RBM39: variants seen among roughly 807,000 people sequenced by gnomAD.
The protein encoded by RBM39 is RNA-binding protein 39.
In RBM39, 12 loss-of-function variants were observed where a neutral mutation model predicts 79.6. The ratio of observed to expected loss-of-function variants is 0.15; its 90% CI spans 0.10 to 0.24. The LOEUF is 0.24. RBM39 is among the 10% of genes least tolerant of loss of function. The pLI is 1.00. For synonymous variants in RBM39, 185 were observed against 208.4 expected, an observed-to-expected ratio of 0.89 and a Z score of 0.97; for missense variants, 243 against 653.4, an observed-to-expected ratio of 0.37 and a Z score of 6.85.
chr20:35,719,000 G>C (rs529062012), intron 9 of RBM39, among the ~76,000 whole-genome samples: 1 of 151,632 alleles, frequency 6.6e-6, no homozygotes, highest in Non-Finnish European at 1.5e-5. Flanking sequence ...CCTTTAAAAA[G>C]GGCTTCTTAT....
chr20:35,736,713 T>C (rs2039959861), intron 3 of RBM39: 3 of 397,170 alleles, frequency 7.6e-6, no homozygotes, highest in Non-Finnish European at 1.5e-5. Flanking sequence ...TACAATGGCA[T>C]AATCTCAGCT....
rs1423718184 is a variant in RBM39, at chr20:35,722,457, G to GTTTTTTT, written c.688-581_688-580insAAAAAAA. 6.7e-3 allele frequency among the ~76,000 whole-genome samples: 883 copies of GTTTTTTT among 131,136 alleles called. 29 individuals are homozygous for GTTTTTTT. Among genetic ancestry groups the GTTTTTTT allele is most frequent in the African/African-American group, 0.016 (538 of 32,990 alleles). The allele number at this position is 131,136 out of a possible 152,430, so 86.0% of individuals were successfully genotyped here. A position where few individuals can be genotyped will look rare whatever the true frequency, so the allele number is the denominator to read the frequency against. On this transcript the variant is annotated intron_variant, in intron 8 of 16. Transcript: ENST00000253363. ...ATAAAAATAAAAAGTTTATTTAGAG[G>GTTTTTTT]CTTTTTTTTTTTTTTTTTTGAGACA...
At chr20:35,735,693 G>C (rs2039831365) in intron 3 of RBM39, among the ~76,000 whole-genome samples, 2 of 152,166 alleles carry the variant, frequency 1.3e-5, no homozygotes. Flanking sequence ...GAAACATAAA[G>C]TTCCTTCAGA....
intron 9 of RBM39, among the ~76,000 whole-genome samples, chr20:35,718,176 A>C (rs1003188705): frequency 2.0e-5 from 3 of 152,072 alleles, no homozygotes; most frequent in African/African-American, 7.2e-5. Flanking sequence ...CGAACTTTTA[A>C]TGTTAAGTAT....
intron 9 of RBM39, among the ~76,000 whole-genome samples, chr20:35,721,385 A>T (rs916416301): frequency 2.0e-5 from 3 of 152,190 alleles, no homozygotes; most frequent in Admixed American, 6.5e-5. Context: ...GTGAAGTGGC[A>T]TAATCATGGC....
chr20:35,707,858 T>C (rs1436406795), intron 13 of RBM39: 11 of 462,614 alleles, frequency 2.4e-5, no homozygotes, highest in African/African-American at 2.2e-4. Flanking sequence ...GTTTGAAGTT[T>C]AAAGAGCATT....
At chr20:35,734,305 G>A in intron 3 of RBM39, 1 of 1,071,904 alleles carries the variant, frequency 9.3e-7, no homozygotes, top group Non-Finnish European at 1.3e-6. Flanking sequence ...GTATATGCTA[G>A]GTAGCACATG....
chr20:35,728,111 A>C (rs2038963461), intron 6 of RBM39, among the ~76,000 whole-genome samples: 1 of 152,192 alleles, frequency 6.6e-6, no homozygotes, highest in South Asian at 2.1e-4. Context: ...TTAAGAGTAA[A>C]ATAATCCATG....
At chr20:35,721,578 T>A (rs145732654) in intron 9 of RBM39, among the ~76,000 whole-genome samples, 162 bp downstream of exon 9, 1 of 152,376 alleles carries the variant, frequency 6.6e-6, no homozygotes, top group Non-Finnish European at 1.5e-5. Flanking sequence ...ATCTATCAAG[T>A]GACCTATTTT....
chr20:35,727,487 T>C (rs994778446), intron 6 of RBM39, among the ~76,000 whole-genome samples: 1 of 149,410 alleles, frequency 6.7e-6, no homozygotes, highest in Non-Finnish European at 1.5e-5. Flanking sequence ...TACAGTTCCC[T>C]TTTTTTTTGT....
At chr20:35,707,080 G>A (rs747154286) in intron 14 of RBM39, 40 bp downstream of exon 14, 16 of 793,088 alleles carry the variant, frequency 2.0e-5, no homozygotes, top group Non-Finnish European at 2.6e-5. Flanking sequence ...CTCTATTGAC[G>A]CCTTGATAGG....
intron 11 of RBM39, 147 bp from the exon 12 acceptor site, chr20:35,713,243 C>CT (rs2036662896): frequency 1.3e-5 from 8 of 594,748 alleles, no homozygotes; most frequent in Middle Eastern, 4.4e-4. Context: ...AGCTAGCACT[C>CT]TGGGAGGCCA....
chr20:35,710,011 A>G (rs2036202496), intron 12 of RBM39, among the ~76,000 whole-genome samples: 2 of 152,330 alleles, frequency 1.3e-5, no homozygotes, highest in South Asian at 4.1e-4. Flanking sequence ...ATTTTCTCAT[A>G]TAATCGTTAG....
chr20:35,704,631 T>G, intron 16 of RBM39, 37 bp downstream of exon 16: 1 of 1,611,134 alleles, frequency 6.2e-7, no homozygotes, highest in African/African-American at 1.3e-5. Flanking sequence ...TTATAGAGCC[T>G]TAATAACAAT....
intron 1 of RBM39, 107 bp from the exon 2 acceptor site, chr20:35,740,994 GA>G: frequency 2.2e-6 from 1 of 457,454 alleles, no homozygotes; most frequent in East Asian, 5.1e-5. Flanking sequence ...AAACGCCTAG[GA>G]AAAGAACAAG....
At chr20:35,719,160 A>T (rs1234412399) in intron 9 of RBM39, among the ~76,000 whole-genome samples, 1 of 152,080 alleles carries the variant, frequency 6.6e-6, no homozygotes, top group Admixed American at 6.5e-5. Context: ...CTCCAGAGTA[A>T]GCTGGAACTA....
chr20:35,739,021 A>T lies in RBM39; in HGVS notation c.52-4T>A. 6.2e-7 allele frequency: 1 copy of T among 1,611,264 alleles called. No homozygotes were observed. The highest frequency in any genetic ancestry group is 8.5e-7 in the Non-Finnish European group (1 of 1,177,380). ...CACTGCTCAACTTGTTCTCATCCTAAGCAGGGTTGATAGAAGAACATCATG... is the reference window on the plus strand; with the variant it reads ...CACTGCTCAACTTGTTCTCATCCTATGCAGGGTTGATAGAAGAACATCATG... On this transcript the variant is annotated splice_region_variant and splice_polypyrimidine_tract_variant and intron_variant, in intron 2 of 16. Transcript: ENST00000253363.
chr20:35,718,848 C>T lies in RBM39; in HGVS notation c.826-2043G>A, dbSNP rs184722598. 6.2e-5 allele frequency among the ~76,000 whole-genome samples: 9 copies of T among 145,644 alleles called. No individual in the cohort carries two copies. In the East Asian group the frequency reaches 1.2e-3, roughly 19 times the overall value. On this transcript the variant is annotated intron_variant, in intron 9 of 16. Coordinates refer to ENST00000253363, the MANE Select transcript of RBM39 (RefSeq NM_184234.3). The stretch of plus-strand genomic sequence containing the variant: ...AAAAAAAAAAAAAAGCCAGGCATGG[C>T]GGCATGCACCTATAATCCCAGCTGC...
intron 2 of RBM39, chr20:35,739,589 T>TC (rs1319705710): frequency 2.2e-6 from 1 of 464,270 alleles, no homozygotes; most frequent in Non-Finnish European, 4.5e-6. Flanking sequence ...TAATGTTGAC[T>TC]CCCAAGAACC....
Sources: gnomAD v4.1 joint callset for allele counts (sites outside exome capture counted in the v4.1 genomes callset) on GRCh38, gnomAD v4.1.1 for gene constraint, MANE v1.5 for transcripts, NCBI Gene and HGNC (gene_info 2026-07-23, HGNC 2026-07-21) for gene names.